The following CIRSR variants were observed in gnomAD, a reference collection of about 807,000 sequenced individuals.
CIRSR encodes corepressor of RBPJ and splicing regulator, also known as CBF1 (RBPJ) interacting corepressor 1.
the CIRSR span, among the ~76,000 whole-genome samples, chr2:174,367,050 CA>C: frequency 6.6e-6 from 1 of 151,992 alleles, no homozygotes; most frequent in Non-Finnish European, 1.5e-5. Flanking sequence ...AAAAAGGAAA[CA>C]AAAAATTAGG....
chr2:174,350,146 G>A, the CIRSR span, among the ~76,000 whole-genome samples: 3 of 146,990 alleles, frequency 2.0e-5, no homozygotes, highest in African/African-American at 7.3e-5. Context: ...AAGTCTCTAG[G>A]TTCTGTCTAG....
the CIRSR span, chr2:174,349,074 G>A: frequency 4.4e-6 from 7 of 1,574,164 alleles, no homozygotes; most frequent in Non-Finnish European, 6.0e-6. Flanking sequence ...AGATGAGGAA[G>A]AAGAGGACTT....
At chr2:174,362,696 A>G in the CIRSR span, among the ~76,000 whole-genome samples, 1 of 90,178 alleles carries the variant, frequency 1.1e-5, no homozygotes, top group African/African-American at 2.7e-5. Flanking sequence ...CAAAAAAAAA[A>G]AAAAAAAAAA....
At chr2:174,388,549 A>T in the CIRSR span, among the ~76,000 whole-genome samples, 1 of 152,168 alleles carries the variant, frequency 6.6e-6, no homozygotes, top group East Asian at 1.9e-4. Flanking sequence ...CTGTATTTAT[A>T]GTTTAAATTA....
At chr2:174,351,101 AAAAAG>A in the CIRSR span, among the ~76,000 whole-genome samples, 1 of 152,224 alleles carries the variant, frequency 6.6e-6, no homozygotes, top group African/African-American at 2.4e-5. Context: ...ATGAAATATA[AAAAAG>A]AAGATTATGA....
At chr2:174,360,435 T>C in the CIRSR span, among the ~76,000 whole-genome samples, 5 of 152,342 alleles carry the variant, frequency 3.3e-5, no homozygotes, top group South Asian at 6.2e-4. Flanking sequence ...ACTAAACCAG[T>C]AGTGGAACAT....
chr2:174,382,761 C>T, the CIRSR span, among the ~76,000 whole-genome samples: 1 of 151,978 alleles, frequency 6.6e-6, no homozygotes, highest in East Asian at 1.9e-4. Flanking sequence ...CCTGTTTGAG[C>T]TCTGTTTAAA....
chr2:174,352,884 C>A, the CIRSR span, among the ~76,000 whole-genome samples: 3 of 152,130 alleles, frequency 2.0e-5, no homozygotes, highest in Non-Finnish European at 4.4e-5. Context: ...GAAATGAGTT[C>A]TTTAGTTTGC....
the CIRSR span, among the ~76,000 whole-genome samples, chr2:174,383,719 C>CAAAA: frequency 3.6e-5 from 3 of 83,138 alleles, no homozygotes; most frequent in African/African-American, 5.1e-5. Flanking sequence ...GACTCCGTCT[C>CAAAA]AAAAAAAAAA....
chr2:174,372,114 T>C, the CIRSR span, among the ~76,000 whole-genome samples: 5 of 152,240 alleles, frequency 3.3e-5, no homozygotes, highest in African/African-American at 1.2e-4. Context: ...GAGTTTCTAT[T>C]AGCTTTAGTT....
the CIRSR span, among the ~76,000 whole-genome samples, chr2:174,360,946 A>C: frequency 6.6e-6 from 1 of 152,230 alleles, no homozygotes; most frequent in Non-Finnish European, 1.5e-5. Flanking sequence ...TTTTACTAAA[A>C]TACCTTGTTA....
chr2:174,351,793 G>T, the CIRSR span: 1 of 1,181,144 alleles, frequency 8.5e-7, no homozygotes, highest in Non-Finnish European at 1.2e-6. Context: ...CTCCACAGTA[G>T]GAATGCAGTT....
chr2:174,368,974 CAG>C, the CIRSR span, among the ~76,000 whole-genome samples: 5 of 152,152 alleles, frequency 3.3e-5, no homozygotes, highest in Non-Finnish European at 7.4e-5. Context: ...ACATTGGCTT[CAG>C]AAATTACCAG....
At chr2:174,348,670 T>TTCTGCTCCG in the CIRSR span, 1 of 1,614,226 alleles carries the variant, frequency 6.2e-7, no homozygotes. Flanking sequence ...CTACCAGGAC[T>TTCTGCTCCG]TCTGCTCCGG....
chr2:174,348,672 C>G, the CIRSR span: 1 of 1,614,238 alleles, frequency 6.2e-7, no homozygotes, highest in Non-Finnish European at 8.5e-7. Context: ...ACCAGGACTT[C>G]TGCTCCGGCT....
At chr2:174,380,948 T>A in the CIRSR span, 4 of 683,226 alleles carry the variant, frequency 5.9e-6, no homozygotes, top group African/African-American at 7.4e-5. Flanking sequence ...TTTGACTTTT[T>A]TTCTTCTTTC....
chr2:174,386,321 A>G, the CIRSR span, among the ~76,000 whole-genome samples: 1 of 152,116 alleles, frequency 6.6e-6, no homozygotes, highest in Admixed American at 6.5e-5. Flanking sequence ...AGCTGGGATT[A>G]CAGGCATGCA....
chr2:174,367,566 G>A, the CIRSR span, among the ~76,000 whole-genome samples: 4 of 151,460 alleles, frequency 2.6e-5, no homozygotes, highest in African/African-American at 7.3e-5. Flanking sequence ...GCAACAGACC[G>A]AGACTCTGTC....
the CIRSR span, chr2:174,358,297 T>C: frequency 1.3e-5 from 2 of 152,242 alleles, no homozygotes; most frequent in Admixed American, 1.3e-4. Context: ...TGAAGTGCAA[T>C]GACACCATCT....
Sources: gnomAD v4.1 joint callset for allele counts (sites outside exome capture counted in the v4.1 genomes callset) on GRCh38, gnomAD v4.1.1 for gene constraint, MANE v1.5 for transcripts, NCBI Gene and HGNC (gene_info 2026-07-23, HGNC 2026-07-21) for gene names.